EYS: variants seen among roughly 807,000 people sequenced by gnomAD.
The protein encoded by EYS is EGF-like photoreceptor maintenance factor.
A neutral mutation model predicts 282.1 loss-of-function variants in EYS; 250 were observed. The ratio of observed to expected loss-of-function variants is 0.89; its 90% CI spans 0.80 to 0.98. The LOEUF is 0.98. Ranked by LOEUF, EYS falls within the 50% of genes least tolerant of loss-of-function variation. The pLI is 0.00. For missense variants in EYS, 4,016 were observed against 3,709.0 expected (o/e 1.08, Z -2.15); for synonymous variants, 1,355 against 1,282.9 (o/e 1.06, Z -1.20).
intron 30 of EYS, among the ~76,000 whole-genome samples, chr6:64,302,106 C>T (rs188502454): frequency 3.5e-4 from 54 of 152,274 alleles, no homozygotes; most frequent in African/African-American, 1.2e-3. Flanking sequence ...TACACACATT[C>T]GAGCCCACAG....
chr6:65,634,897 GC>G (rs2149810171), intron 2 of EYS, among the ~76,000 whole-genome samples: 1 of 152,178 alleles, frequency 6.6e-6, no homozygotes, highest in East Asian at 1.9e-4. Flanking sequence ...GATAAATTGT[GC>G]CCAACATTAA....
chr6:63,821,876 C>T (rs1771333946), intron 36 of EYS: 1 of 152,208 alleles, frequency 6.6e-6, no homozygotes, highest in Non-Finnish European at 1.5e-5. Flanking sequence ...ATCCGTGAAA[C>T]TGTTCCACAA....
intron 12 of EYS, among the ~76,000 whole-genome samples, chr6:65,285,623 T>C (rs888721827): frequency 6.6e-6 from 1 of 151,954 alleles, no homozygotes; most frequent in Non-Finnish European, 1.5e-5. Flanking sequence ...GTTTATATAA[T>C]GTAGCTGCAA....
At chr6:65,141,823 A>T (rs1764353332) in intron 12 of EYS, among the ~76,000 whole-genome samples, 1 of 152,090 alleles carries the variant, frequency 6.6e-6, no homozygotes, top group Admixed American at 6.6e-5. Flanking sequence ...TCTTTACCCC[A>T]AATTCTATGG....
At chr6:64,892,103 C>T (rs964863058) in intron 18 of EYS, among the ~76,000 whole-genome samples, 2 of 151,750 alleles carry the variant, frequency 1.3e-5, no homozygotes, top group Non-Finnish European at 2.9e-5. Flanking sequence ...CTATAATTTG[C>T]ATAAAATGAT....
intron 28 of EYS, among the ~76,000 whole-genome samples, chr6:64,399,548 T>C (rs1236536278): frequency 6.6e-6 from 1 of 151,152 alleles, no homozygotes; most frequent in Non-Finnish European, 1.5e-5. Flanking sequence ...ATAAGGAAAA[T>C]TTATTCACTA....
At position 65,079,665 on chromosome 6, in the gene EYS, G is replaced by A. The variant is rs547044899; in HGVS notation, c.2024-21938C>T. 7.9e-5 allele frequency among the ~76,000 whole-genome samples: 12 copies of A among 151,982 alleles called. No individual in the cohort carries two copies. In the South Asian group the frequency reaches 1.0e-3, roughly 13 times the overall value. ...AATTAGAATTGCATATGTGGCTCGC[G>A]TAATGTTTTTATTGGATAGCCTTGA... On this transcript the variant is annotated intron_variant, in intron 12 of 42. Coordinates refer to ENST00000503581, the MANE Select transcript of EYS (RefSeq NM_001142800.2).
intron 14 of EYS, among the ~76,000 whole-genome samples, chr6:64,958,763 A>AT (rs1328025868): frequency 1.8e-4 from 27 of 147,862 alleles, no homozygotes; most frequent in African/African-American, 6.5e-4. Context: ...AAAAAAAAAA[A>AT]GAAACAATCT....
intron 12 of EYS, among the ~76,000 whole-genome samples, chr6:65,171,326 A>C (rs1765100998): frequency 6.6e-6 from 1 of 151,578 alleles, no homozygotes; most frequent in Non-Finnish European, 1.5e-5. Flanking sequence ...TGAACAGGTA[A>C]CACATTAAAT....
chr6:64,798,071 A>T (rs1049242544), intron 22 of EYS, among the ~76,000 whole-genome samples: 1 of 151,958 alleles, frequency 6.6e-6, no homozygotes, highest in Admixed American at 6.6e-5. Context: ...AGTAACAAAT[A>T]AATATTAAGT....
At chr6:64,625,084 G>T (rs1767562732) in intron 23 of EYS, among the ~76,000 whole-genome samples, 1 of 152,076 alleles carries the variant, frequency 6.6e-6, no homozygotes, top group Non-Finnish European at 1.5e-5. Flanking sequence ...ATATTCCTGA[G>T]AAATTACTGC....
intron 26 of EYS, among the ~76,000 whole-genome samples, chr6:64,443,800 C>G (rs1180707903): frequency 6.6e-6 from 1 of 152,120 alleles, no homozygotes; most frequent in Non-Finnish European, 1.5e-5. Context: ...TGTGAGGCCT[C>G]CCCAGCCATG....
At chr6:64,938,588 G>A (rs750130043) in intron 15 of EYS, among the ~76,000 whole-genome samples, 2 of 151,504 alleles carry the variant, frequency 1.3e-5, no homozygotes, top group Admixed American at 6.6e-5. Context: ...CTTCAAGTAC[G>A]CTTACAACAA....
intron 2 of EYS, among the ~76,000 whole-genome samples, chr6:65,501,125 C>T (rs1766437149): frequency 6.6e-6 from 1 of 151,768 alleles, no homozygotes; most frequent in Admixed American, 6.6e-5. Flanking sequence ...TTATTAGAAA[C>T]AGTTTGTCTT....
chr6:64,700,561 CA>C (rs1462417569), intron 22 of EYS, among the ~76,000 whole-genome samples: 1 of 151,938 alleles, frequency 6.6e-6, no homozygotes, highest in Non-Finnish European at 1.5e-5. Context: ...ACAAAAATAT[CA>C]GTAGCCTTTC....
At chr6:65,395,772 C>T (rs1341731576) in intron 7 of EYS, among the ~76,000 whole-genome samples, 1 of 152,096 alleles carries the variant, frequency 6.6e-6, no homozygotes, top group African/African-American at 2.4e-5. Flanking sequence ...CAAGTATTTA[C>T]TATTTCTATG....
chr6:65,515,041 T>C (rs1767068835), intron 2 of EYS, among the ~76,000 whole-genome samples: 1 of 152,166 alleles, frequency 6.6e-6, no homozygotes, highest in Non-Finnish European at 1.5e-5. Context: ...AACCTACTTA[T>C]CTGACAAAGG....
At chr6:65,012,645 T>A (rs1004189189) in intron 13 of EYS, among the ~76,000 whole-genome samples, 2 of 151,604 alleles carry the variant, frequency 1.3e-5, no homozygotes, top group African/African-American at 2.4e-5. Context: ...ATTCTCCCAG[T>A]TCTGACCACA....
intron 5 of EYS, among the ~76,000 whole-genome samples, chr6:65,434,008 C>T (rs1016686650): frequency 9.2e-5 from 14 of 152,206 alleles, no homozygotes; most frequent in African/African-American, 3.4e-4. Flanking sequence ...AAGCATCACA[C>T]TTTCAACAGA....
Sources: allele counts gnomAD v4.1 joint callset (sites outside exome capture counted in the v4.1 genomes callset), GRCh38; gene constraint gnomAD v4.1.1; transcripts MANE v1.5; gene names NCBI Gene and HGNC (gene_info 2026-07-23, HGNC 2026-07-21).